ROBO2: variants seen among roughly 807,000 people sequenced by gnomAD.
ROBO2 encodes the protein roundabout guidance receptor 2.
A neutral mutation model predicts 160.8 loss-of-function variants in ROBO2; 53 were observed. The ratio of observed to expected loss-of-function variants is 0.33; its 90% CI spans 0.26 to 0.41. The LOEUF (loss-of-function observed/expected upper bound fraction) is 0.41. Ranked by LOEUF, ROBO2 falls within the 10% of genes least tolerant of loss-of-function variation. The pLI, the probability that ROBO2 is intolerant of heterozygous loss-of-function variation, is 1.00. For missense variants in ROBO2, 1,577 were observed against 1,722.4 expected (o/e 0.92, Z 1.49); for synonymous variants, 664 against 611.7 (o/e 1.09, Z -1.26).
intron 2 of ROBO2, among the ~76,000 whole-genome samples, chr3:76,321,641 T>A (rs2072537134): frequency 6.6e-6 from 1 of 152,194 alleles, no homozygotes; most frequent in South Asian, 2.1e-4. Flanking sequence ...GTGCTACATT[T>A]AGGGGACAGT....
chr3:77,409,523 AT>A (rs2076528007), intron 2 of ROBO2, among the ~76,000 whole-genome samples: 1 of 152,050 alleles, frequency 6.6e-6, no homozygotes, highest in Non-Finnish European at 1.5e-5. Context: ...ATCAGTTGAG[AT>A]TTTCTATTGA....
chr3:77,561,560 T>C (rs1372131475), intron 9 of ROBO2, among the ~76,000 whole-genome samples: 1 of 152,142 alleles, frequency 6.6e-6, no homozygotes, highest in Non-Finnish European at 1.5e-5. Context: ...CAACTTTTTC[T>C]GAAAGTCCTT....
intron 6 of ROBO2, among the ~76,000 whole-genome samples, chr3:77,534,945 A>C (rs1219653962): frequency 6.6e-6 from 1 of 152,208 alleles, no homozygotes; most frequent in Non-Finnish European, 1.5e-5. Context: ...TGCCTAGAAA[A>C]TGTTTATGCA....
intron 2 of ROBO2, among the ~76,000 whole-genome samples, chr3:76,552,568 C>A (rs2083481128): frequency 6.6e-6 from 1 of 152,150 alleles, no homozygotes; most frequent in African/African-American, 2.4e-5. Flanking sequence ...CAACTCTTTT[C>A]TGCTTCATAT....
At chr3:76,330,518 C>T (rs563647002) in intron 2 of ROBO2, among the ~76,000 whole-genome samples, 1 of 152,118 alleles carries the variant, frequency 6.6e-6, no homozygotes, top group South Asian at 2.1e-4. Context: ...GAATTTTTCC[C>T]CCATTCTGCT....
chr3:77,497,348 T>C (rs2086928761), intron 5 of ROBO2, among the ~76,000 whole-genome samples: 1 of 152,154 alleles, frequency 6.6e-6, no homozygotes, highest in Non-Finnish European at 1.5e-5. Context: ...TTTTATAGTT[T>C]ATAATGATTA....
At chr3:76,084,641 T>A (rs906518153) in intron 2 of ROBO2, among the ~76,000 whole-genome samples, 1 of 152,142 alleles carries the variant, frequency 6.6e-6, no homozygotes, top group Non-Finnish European at 1.5e-5. Context: ...GGCATGAAGT[T>A]TCCTCTAAAG....
chr3:76,075,256 G>A (rs1007806324), intron 2 of ROBO2, among the ~76,000 whole-genome samples: 1 of 151,810 alleles, frequency 6.6e-6, no homozygotes, highest in African/African-American at 2.4e-5. Flanking sequence ...CCAAGGCTGA[G>A]AGTGGCCAGG....
At chr3:76,346,594 A>G (rs1286973665) in intron 2 of ROBO2, among the ~76,000 whole-genome samples, 1 of 152,156 alleles carries the variant, frequency 6.6e-6, no homozygotes, top group South Asian at 2.1e-4. Flanking sequence ...TCTATTAAAA[A>G]TACATATTTT....
intron 2 of ROBO2, among the ~76,000 whole-genome samples, chr3:76,608,431 C>A (rs1396455338): frequency 6.6e-6 from 1 of 152,132 alleles, no homozygotes; most frequent in African/African-American, 2.4e-5. Context: ...TCTCTTTAGC[C>A]TCATGTTTCG....
intron 1 of ROBO2, among the ~76,000 whole-genome samples, chr3:77,082,885 T>TA (rs969959867): frequency 6.6e-6 from 1 of 151,990 alleles, no homozygotes; most frequent in Non-Finnish European, 1.5e-5. Context: ...GGAGATTCTT[T>TA]AAAAAATATA....
intron 2 of ROBO2, among the ~76,000 whole-genome samples, chr3:77,381,839 C>T (rs1436175170): frequency 6.6e-6 from 1 of 152,138 alleles, no homozygotes. Flanking sequence ...CCTTTCTTTT[C>T]ATTTATTTTT....
At position 76,676,777 on chromosome 3, in the gene ROBO2, T is replaced by C. The variant is rs144739687; in HGVS notation, c.110-421237T>C. On this transcript the variant is annotated intron_variant, in intron 2 of 26. Coordinates refer to the ROBO2 transcript ENST00000487694. ...GCGAACATGTTGCATAAATACATTTTGGTTGTAGGGCTTTTTTTTCCTCTC... is the reference window on the plus strand; with the variant it reads ...GCGAACATGTTGCATAAATACATTTCGGTTGTAGGGCTTTTTTTTCCTCTC... Among the ~76,000 whole-genome samples, 44 of 152,246 alleles carry C rather than the reference T, an allele frequency of 2.9e-4. No individual in the cohort carries two copies. The East Asian group carries it at 4.1e-3, about 14-fold the overall frequency.
intron 2 of ROBO2, among the ~76,000 whole-genome samples, chr3:76,603,349 AAAATATATATATATATATATAT>A: frequency 2.5e-5 from 1 of 40,628 alleles, no homozygotes; most frequent in Admixed American, 3.4e-4. Flanking sequence ...AAAAAAAAAA[AAAATATATATATATATATATAT>A]ATATATATAT....
At position 76,246,582 on chromosome 3, in the gene ROBO2, C is replaced by T. The variant is rs575486404; in HGVS notation, c.109+308980C>T. The stretch of plus-strand genomic sequence containing the variant: ...TATGCATTTAAATAATATCAAGTCA[C>T]GTTCAGGGAATAGGCCACCTTAGTA... On this transcript the variant is annotated intron_variant, in intron 2 of 26. Transcript: ENST00000487694. Among the ~76,000 whole-genome samples, 20 of 152,166 alleles carry T rather than the reference C, an allele frequency of 1.3e-4. No individual in the cohort carries two copies. In the East Asian group the frequency reaches 1.5e-3, roughly 12 times the overall value.
At chr3:76,912,886 TA>T (rs2076077042) in intron 2 of ROBO2, among the ~76,000 whole-genome samples, 1 of 151,916 alleles carries the variant, frequency 6.6e-6, no homozygotes, top group Admixed American at 6.6e-5. Flanking sequence ...ATATTTGAAA[TA>T]AAGAAGTACA....
chr3:76,826,171 A>T (rs762627984), intron 2 of ROBO2, among the ~76,000 whole-genome samples: 1 of 151,896 alleles, frequency 6.6e-6, no homozygotes, highest in Non-Finnish European at 1.5e-5. Flanking sequence ...ATAGGCTGTG[A>T]TCATCTTTGA....
In ROBO2 at chr3:76,252,951, C is replaced by A. The variant is rs1269628561; in HGVS notation, c.109+315349C>A. Among the ~76,000 whole-genome samples the A allele has an allele frequency of 2.0e-5, 3 of 152,048 alleles. No individual in the cohort carries two copies. In the East Asian group the frequency reaches 5.8e-4, roughly 30 times the overall value. On this transcript the variant is annotated intron_variant, in intron 2 of 26. Coordinates refer to the ROBO2 transcript ENST00000487694. Reference sequence around the variant, plus strand: ...GAATTTTTCTTTCTTCTACAGGAAACTTTAGAATTTGCTGTTAAGGTTTTG... The same window carrying A: ...GAATTTTTCTTTCTTCTACAGGAAAATTTAGAATTTGCTGTTAAGGTTTTG...
chr3:76,712,539 G>A (rs910957404), intron 2 of ROBO2, among the ~76,000 whole-genome samples: 5 of 152,106 alleles, frequency 3.3e-5, no homozygotes, highest in African/African-American at 1.2e-4. Flanking sequence ...GCTGGGTGTG[G>A]TGGTATGTGC....
Sources: allele counts gnomAD v4.1 joint callset (sites outside exome capture counted in the v4.1 genomes callset), GRCh38; gene constraint gnomAD v4.1.1; transcripts MANE v1.5; gene names NCBI Gene and HGNC (gene_info 2026-07-23, HGNC 2026-07-21).